The following GPHN variants were observed in gnomAD, a reference collection of about 807,000 sequenced individuals.
GPHN encodes gephyrin.
Under a neutral mutation model 95.5 loss-of-function variants are expected in GPHN, and 17 were observed. The observed-to-expected ratio is 0.18, with a 90% confidence interval of 0.12 to 0.27. The LOEUF is 0.27. GPHN is among the 10% of genes least tolerant of loss of function. The probability of loss-of-function intolerance (pLI) is 1.00; values close to 1 mark genes in which losing one functional copy is unlikely to be tolerated. For synonymous variants in GPHN, 320 were observed against 322.5 expected (o/e 0.99, Z 0.08); for missense variants, 660 against 978.1 (o/e 0.67, Z 4.34).
the GPHN span, chr14:67,380,809 C>CA: frequency 9.3e-7 from 1 of 1,070,324 alleles, no homozygotes; most frequent in Non-Finnish European, 1.3e-6. Context: ...TTGCATGCAT[C>CA]AAAAAAGCTA....
intron 3 of GPHN, among the ~76,000 whole-genome samples, chr14:66,793,021 C>G (rs529770095): frequency 5.3e-5 from 8 of 151,120 alleles, no homozygotes; most frequent in African/African-American, 1.9e-4. Flanking sequence ...TGCCTTTAAG[C>G]GGTTTTCCGC....
chr14:66,729,966 A>G (rs2071618598), intron 2 of GPHN, among the ~76,000 whole-genome samples: 1 of 152,222 alleles, frequency 6.6e-6, no homozygotes, highest in Non-Finnish European at 1.5e-5. Context: ...ATATTCTTCC[A>G]GGACTTTCAT....
At chr14:67,325,737 C>CT in the GPHN span, among the ~76,000 whole-genome samples, 3 of 152,042 alleles carry the variant, frequency 2.0e-5, no homozygotes, top group African/African-American at 7.2e-5. Context: ...TTTAGGCTAT[C>CT]TTTTTTTCCA....
chr14:66,561,146 G>C (rs1016271426), intron 1 of GPHN, among the ~76,000 whole-genome samples: 1 of 152,160 alleles, frequency 6.6e-6, no homozygotes, highest in East Asian at 1.9e-4. Context: ...CGGTTTGCCA[G>C]TATTTTATTG....
the GPHN span, chr14:67,616,480 CAAAA>C: frequency 5.4e-5 from 8 of 148,086 alleles, no homozygotes; most frequent in African/African-American, 1.8e-4. Context: ...TCTGTAATTG[CAAAA>C]AAAAAAAAAG....
chr14:67,560,120 G>A, the GPHN span, among the ~76,000 whole-genome samples: 5 of 152,214 alleles, frequency 3.3e-5, no homozygotes, highest in Admixed American at 6.5e-5. Flanking sequence ...TCCGCCTCCC[G>A]GGTTCAACCG....
intron 11 of GPHN, among the ~76,000 whole-genome samples, chr14:67,081,607 G>A (rs1028747057): frequency 5.3e-5 from 8 of 152,124 alleles, no homozygotes; most frequent in African/African-American, 1.9e-4. Flanking sequence ...GATTAATTAA[G>A]TCCCACCTAT....
chr14:67,289,859 C>T, the GPHN span, among the ~76,000 whole-genome samples: 1 of 150,290 alleles, frequency 6.7e-6, no homozygotes, highest in Non-Finnish European at 1.5e-5. Flanking sequence ...CAAGCTCTGC[C>T]TCCTGGGTTC....
chr14:66,979,203 C>G (rs781729257), intron 9 of GPHN, among the ~76,000 whole-genome samples: 6 of 152,156 alleles, frequency 3.9e-5, no homozygotes, highest in Admixed American at 1.3e-4. Context: ...CTGCATTATT[C>G]CCTACCAAGA....
chr14:66,964,881 G>C (rs1001787511), intron 8 of GPHN, among the ~76,000 whole-genome samples: 1 of 152,180 alleles, frequency 6.6e-6, no homozygotes. Flanking sequence ...GAATTAAATA[G>C]CTTGCTCAAG....
At chr14:67,409,888 T>C in the GPHN span, among the ~76,000 whole-genome samples, 1 of 151,364 alleles carries the variant, frequency 6.6e-6, no homozygotes, top group Non-Finnish European at 1.5e-5. Flanking sequence ...ATATGGAGGG[T>C]TGAAAAAGTT....
At chr14:66,862,509 A>C (rs2063066849) in intron 4 of GPHN, among the ~76,000 whole-genome samples, 1 of 152,134 alleles carries the variant, frequency 6.6e-6, no homozygotes, top group African/African-American at 2.4e-5. Context: ...CCTGATACCA[A>C]AATCAGGCCA....
At chr14:67,271,277 A>G in the GPHN span, 2 of 152,196 alleles carry the variant, frequency 1.3e-5, no homozygotes, top group Admixed American at 6.5e-5. Context: ...TGATTCTCCT[A>G]TATTCTCCAT....
intron 1 of GPHN, among the ~76,000 whole-genome samples, chr14:66,619,734 G>T (rs578139581): frequency 6.6e-6 from 1 of 152,002 alleles, no homozygotes; most frequent in African/African-American, 2.4e-5. Flanking sequence ...TATTTTACAT[G>T]TTATTTTAAT....
the GPHN span, among the ~76,000 whole-genome samples, chr14:67,721,615 T>G: frequency 6.6e-6 from 1 of 151,880 alleles, no homozygotes; most frequent in East Asian, 1.9e-4. Context: ...GTAAAGCAAG[T>G]GAGATAGCAA....
the GPHN span, among the ~76,000 whole-genome samples, chr14:67,498,659 TTTG>T: frequency 6.6e-6 from 1 of 152,058 alleles, no homozygotes. Context: ...GGCAATGTGT[TTTG>T]TTGTTGTTGG....
At chr14:67,142,567 A>C (rs777137981) in intron 17 of GPHN, among the ~76,000 whole-genome samples, 3 of 152,154 alleles carry the variant, frequency 2.0e-5, no homozygotes, top group African/African-American at 4.8e-5. Context: ...TTAATATCCT[A>C]TATGAGTAGT....
At chr14:67,317,368 C>T in the GPHN span, 130 of 1,496,160 alleles carry the variant, frequency 8.7e-5, no homozygotes, top group Non-Finnish European at 1.1e-4. Flanking sequence ...GTTTTGTTCA[C>T]GGGAACACAT....
intron 2 of GPHN, among the ~76,000 whole-genome samples, chr14:66,742,213 C>T (rs1419920667): frequency 6.6e-6 from 1 of 152,206 alleles, no homozygotes; most frequent in Non-Finnish European, 1.5e-5. Flanking sequence ...TCATTGTTTA[C>T]AGTTCCTTCA....
Sources: gnomAD v4.1 joint callset for allele counts (sites outside exome capture counted in the v4.1 genomes callset) on GRCh38, gnomAD v4.1.1 for gene constraint, MANE v1.5 for transcripts, NCBI Gene and HGNC (gene_info 2026-07-23, HGNC 2026-07-21) for gene names.